GRXCR2: variants seen among roughly 807,000 people sequenced by gnomAD.
GRXCR2 encodes the protein glutaredoxin domain-containing cysteine-rich protein 2.
A neutral mutation model predicts 24.8 loss-of-function variants in GRXCR2; 23 were observed. The observed-to-expected ratio is 0.93, with a 90% CI of 0.67 to 1.32. GRXCR2 has a LOEUF of 1.32. GRXCR2 is among the 40% of genes most tolerant of loss of function. GRXCR2 has a pLI of 0.00. For missense variants in GRXCR2, 315 were observed against 303.4 expected (o/e 1.04, Z -0.28); for synonymous variants, 130 against 116.1 (o/e 1.12, Z -0.77).
rs552844223 is a variant in GRXCR2 at position 145,870,897 on chromosome 5, C to T, written c.336+1736G>A. On this transcript the variant is annotated intron_variant, in intron 1 of 2. Coordinates refer to ENST00000377976, the MANE Select transcript of GRXCR2 (RefSeq NM_001080516.2). ...AACACATAGAGTACTGTGTTTTAAC[C>T]AACTGAGCCATGCTGCCATGAAGAC... Among the ~76,000 whole-genome samples, 3 of 152,092 alleles carry T rather than the reference C, an allele frequency of 2.0e-5. No individual in the cohort carries two copies. The East Asian group carries it at 5.8e-4, about 29-fold the overall frequency.
intron 2 of GRXCR2, among the ~76,000 whole-genome samples, chr5:145,914,454 T>TC (rs1332026390): frequency 3.9e-5 from 6 of 151,976 alleles, no homozygotes; most frequent in African/African-American, 1.4e-4. Flanking sequence ...GGCAGGTGGA[T>TC]CACCTGAGGT....
At chr5:145,865,190 T>C (rs561066284) in intron 2 of GRXCR2, among the ~76,000 whole-genome samples, 1 of 152,148 alleles carries the variant, frequency 6.6e-6, no homozygotes, top group South Asian at 2.1e-4. Context: ...TTCATAGCAA[T>C]CCCAGGAGAT....
intron 2 of GRXCR2, among the ~76,000 whole-genome samples, chr5:145,925,422 T>C (rs1441251858): frequency 2.6e-5 from 4 of 152,222 alleles, no homozygotes; most frequent in Non-Finnish European, 5.9e-5. Flanking sequence ...TACTTGTTAC[T>C]GATTGCATTT....
intron 2 of GRXCR2, among the ~76,000 whole-genome samples, chr5:145,892,562 CGAGAA>C (rs1554105615): frequency 6.6e-6 from 1 of 151,788 alleles, no homozygotes; most frequent in Non-Finnish European, 1.5e-5. Context: ...TGAAATGAAG[CGAGAA>C]GAGAAGTTTA....
intron 2 of GRXCR2, among the ~76,000 whole-genome samples, chr5:145,905,993 C>A (rs992604348): frequency 6.6e-6 from 1 of 152,088 alleles, no homozygotes; most frequent in Admixed American, 6.5e-5. Flanking sequence ...AATGCCAGAC[C>A]AAGAATTTCA....
At chr5:145,899,308 A>G (rs538153251) in intron 2 of GRXCR2, among the ~76,000 whole-genome samples, 9 of 152,338 alleles carry the variant, frequency 5.9e-5, no homozygotes, top group Admixed American at 1.3e-4. Flanking sequence ...GAAAAAATCA[A>G]TATCACTAAA....
chr5:145,882,069 A>G (rs1756710603), intron 2 of GRXCR2, among the ~76,000 whole-genome samples: 1 of 152,218 alleles, frequency 6.6e-6, no homozygotes, highest in African/African-American at 2.4e-5. Context: ...TAAAACCCCT[A>G]GAAGAAAACC....
At chr5:145,903,885 A>C (rs1334338157) in intron 2 of GRXCR2, among the ~76,000 whole-genome samples, 2 of 152,206 alleles carry the variant, frequency 1.3e-5, no homozygotes, top group East Asian at 1.9e-4. Context: ...GAAATTTCAC[A>C]AAAATTGCTT....
At chr5:145,915,129 A>G (rs769951386) in intron 2 of GRXCR2, among the ~76,000 whole-genome samples, 1 of 152,136 alleles carries the variant, frequency 6.6e-6, no homozygotes, top group African/African-American at 2.4e-5. Context: ...CCACCCATCT[A>G]TGGATGGCTG....
upstream of GRXCR2, among the ~76,000 whole-genome samples, chr5:145,876,207 A>T (rs1756613268): frequency 7.1e-6 from 1 of 141,688 alleles, no homozygotes; most frequent in Non-Finnish European, 1.5e-5. Context: ...ATATATATAT[A>T]TATATATATA....
Position 145,859,720 on chromosome 5 carries a change from C to G in GRXCR2, c.*13G>C, listed in dbSNP as rs72816449. On this transcript the variant is annotated 3_prime_UTR_variant, in exon 3 of 3. Coordinates refer to ENST00000377976, the MANE Select transcript of GRXCR2 (RefSeq NM_001080516.2). ...GGAGGGTAAGATAACAGTGGACATGCAAAAGCCACGGGCTATTGATTGCAA... is the reference window on the plus strand; with the variant it reads ...GGAGGGTAAGATAACAGTGGACATGGAAAAGCCACGGGCTATTGATTGCAA... The G allele has an allele frequency of 0.036, 58,131 of 1,613,454 alleles. 1,304 individuals are homozygous for G. The highest frequency in any genetic ancestry group is 0.042 in the Non-Finnish European group (49,839 of 1,179,460).
At chr5:145,888,995 GAAACCCTGTCTCTACTAAAAATATAA>G (rs1431231731) in intron 2 of GRXCR2, among the ~76,000 whole-genome samples, 1 of 151,930 alleles carries the variant, frequency 6.6e-6, no homozygotes, top group African/African-American at 2.4e-5. Context: ...CCAACATGGT[GAAACCCTGTCTCTACTAAAAATATAA>G]AAACTAGCCG....
intron 2 of GRXCR2, among the ~76,000 whole-genome samples, chr5:145,910,824 G>A (rs887183390): frequency 7.1e-6 from 1 of 141,294 alleles, no homozygotes; most frequent in African/African-American, 2.7e-5. Flanking sequence ...AGATAAGAAG[G>A]GGAACTATGT....
chr5:145,919,449 T>A (rs971537732), intron 2 of GRXCR2, among the ~76,000 whole-genome samples: 4 of 152,150 alleles, frequency 2.6e-5, no homozygotes, highest in African/African-American at 9.7e-5. Flanking sequence ...TTCTCCAAGC[T>A]AACAAGTGAG....
intron 2 of GRXCR2, among the ~76,000 whole-genome samples, chr5:145,865,351 G>A (rs978951070): frequency 2.0e-5 from 3 of 152,096 alleles, no homozygotes; most frequent in Non-Finnish European, 4.4e-5. Flanking sequence ...GTGAATGAAC[G>A]AATATCAGCC....
intron 2 of GRXCR2, among the ~76,000 whole-genome samples, chr5:145,864,531 G>C (rs12518399): frequency 6.6e-6 from 1 of 152,022 alleles, no homozygotes; most frequent in Non-Finnish European, 1.5e-5. Context: ...AAGGTGATTG[G>C]ATCATGGGGG....
intron 2 of GRXCR2, among the ~76,000 whole-genome samples, chr5:145,900,986 TG>T (rs1561686663): frequency 6.6e-6 from 1 of 152,164 alleles, no homozygotes; most frequent in African/African-American, 2.4e-5. Context: ...GCATGTCCTT[TG>T]CAGCAATATG....
In GRXCR2 at chr5:145,872,621, C is replaced by A; in HGVS notation, c.336+12G>T. ...CTACCCTTAAAGCCTATATGCCATG[C>A]ACAATACCAACCTTATGGTCATTCG... On this transcript the variant is annotated intron_variant, in intron 1 of 2. Coordinates refer to ENST00000377976, the MANE Select transcript of GRXCR2 (RefSeq NM_001080516.2). 2 of 1,575,894 alleles carry A rather than the reference C, an allele frequency of 1.3e-6. No homozygotes were observed. Among genetic ancestry groups the A allele is most frequent in the Non-Finnish European group, 1.7e-6 (2 of 1,159,354 alleles).
At chr5:145,868,752 T>G (rs2149910653) in intron 1 of GRXCR2, among the ~76,000 whole-genome samples, 2 of 152,332 alleles carry the variant, frequency 1.3e-5, no homozygotes, top group Admixed American at 1.3e-4. Context: ...GCTCAATGTC[T>G]GAGACACCCA....
Sources: allele counts gnomAD v4.1 joint callset (sites outside exome capture counted in the v4.1 genomes callset), GRCh38; gene constraint gnomAD v4.1.1; transcripts MANE v1.5; gene names NCBI Gene and HGNC (gene_info 2026-07-23, HGNC 2026-07-21).